CLINT1: variants seen among roughly 807,000 people sequenced by gnomAD.
The protein encoded by CLINT1 is clathrin interactor 1, also known as clathrin interacting protein localized in the trans-Golgi region.
A neutral mutation model predicts 70.4 loss-of-function variants in CLINT1; 15 were observed. That is an observed-to-expected ratio of 0.21 (90% CI 0.14 to 0.33). The LOEUF (loss-of-function observed/expected upper bound fraction) is 0.33, where lower values mean the gene tolerates loss of function less well. Ranked by LOEUF, CLINT1 falls within the 10% of genes least tolerant of loss-of-function variation. CLINT1 has a pLI of 1.00. For synonymous variants in CLINT1, 227 were observed against 254.7 expected (o/e 0.89, Z 1.04); for missense variants, 615 against 778.1 (o/e 0.79, Z 2.49).
intron 1 of CLINT1, among the ~76,000 whole-genome samples, chr5:157,818,250 CACTT>C (rs1475229385): frequency 6.6e-6 from 1 of 152,074 alleles, no homozygotes; most frequent in East Asian, 1.9e-4. Flanking sequence ...TGATTCCAAT[CACTT>C]ACTATGTGAC....
At chr5:157,819,229 A>G (rs1762809314) in intron 1 of CLINT1, among the ~76,000 whole-genome samples, 1 of 152,230 alleles carries the variant, frequency 6.6e-6, no homozygotes, top group South Asian at 2.1e-4. Flanking sequence ...ACTTGCCAAA[A>G]AACTGAATCA....
At position 157,787,397 on chromosome 5, in the gene CLINT1, C is replaced by T. The variant is rs1761757737; in HGVS notation, c.*249G>A. 1.9e-6 allele frequency: 1 copy of T among 514,960 alleles called. No homozygotes were observed. Among genetic ancestry groups the T allele is most frequent in the South Asian group, 2.6e-5 (1 of 38,794 alleles). 31.9% of individuals were successfully genotyped at this position (514,960 alleles called of 1,614,324 possible). On this transcript the variant is annotated 3_prime_UTR_variant, in exon 12 of 12. Transcript: ENST00000411809. ...TCAGTTGATAAAGGCTTTCAATGGTCTCACCACCCACTTGTGGTCTATCCT... is the reference window on the plus strand; with the variant it reads ...TCAGTTGATAAAGGCTTTCAATGGTTTCACCACCCACTTGTGGTCTATCCT...
intron 4 of CLINT1, 43 bp downstream of exon 4, chr5:157,814,142 A>G (rs1388141877): frequency 5.4e-6 from 7 of 1,290,428 alleles, no homozygotes; most frequent in African/African-American, 1.5e-5. Flanking sequence ...TGACAACTCC[A>G]ACTACTGTTT....
At chr5:157,827,708 T>A (rs1229069089) in intron 1 of CLINT1, among the ~76,000 whole-genome samples, 1 of 152,186 alleles carries the variant, frequency 6.6e-6, no homozygotes, top group African/African-American at 2.4e-5. Flanking sequence ...TGAAACTATT[T>A]CCCCTTCCTT....
chr5:157,790,759 A>C (rs1761876538), intron 10 of CLINT1: 1 of 376,424 alleles, frequency 2.7e-6, no homozygotes. Flanking sequence ...CCAAGCCTGC[A>C]CTTGTCTGAA....
chr5:157,799,788 T>C (rs981345375), intron 8 of CLINT1, among the ~76,000 whole-genome samples: 1 of 152,116 alleles, frequency 6.6e-6, no homozygotes, highest in Non-Finnish European at 1.5e-5. Context: ...ACAAACCTAG[T>C]TAGCCTACTA....
intron 6 of CLINT1, 47 bp from the exon 7 acceptor site, chr5:157,806,159 T>A: frequency 1.3e-6 from 2 of 1,585,012 alleles, no homozygotes; most frequent in Non-Finnish European, 1.7e-6. Context: ...GGGATTATTT[T>A]AAAATGGGTC....
At chr5:157,809,527 T>G in intron 6 of CLINT1, 101 bp downstream of exon 6, 1 of 791,610 alleles carries the variant, frequency 1.3e-6, no homozygotes, top group Non-Finnish European at 1.8e-6. Context: ...CAATTTCAGA[T>G]AATGTTAATA....
chr5:157,801,765 G>A (rs1356037288), intron 8 of CLINT1, among the ~76,000 whole-genome samples: 2 of 152,174 alleles, frequency 1.3e-5, no homozygotes, highest in Admixed American at 1.3e-4. Context: ...TAAAGTTCAT[G>A]CCTAATCCAA....
At chr5:157,833,180 GTC>G (rs1763303501) in intron 1 of CLINT1, among the ~76,000 whole-genome samples, 2 of 151,918 alleles carry the variant, frequency 1.3e-5, no homozygotes, top group East Asian at 3.9e-4. Context: ...GTGAAACCCT[GTC>G]TCTACTAAAA....
chr5:157,820,266 T>A (rs1351627680), intron 1 of CLINT1, among the ~76,000 whole-genome samples: 1 of 152,136 alleles, frequency 6.6e-6, no homozygotes, highest in Non-Finnish European at 1.5e-5. Flanking sequence ...CTGGCCAACA[T>A]GGCAAAACTC....
chr5:157,852,649 A>G (rs1381241972), intron 1 of CLINT1, among the ~76,000 whole-genome samples: 1 of 152,240 alleles, frequency 6.6e-6, no homozygotes, highest in Non-Finnish European at 1.5e-5. Context: ...TCTCTATTTT[A>G]CAGAGAAATA....
chr5:157,858,880 T>TCCCCCCCCCCCCCCCCCGCCCCCCC, intron 1 of CLINT1, 50 bp downstream of exon 1: 1 of 216,822 alleles, frequency 4.6e-6, no homozygotes, highest in Non-Finnish European at 9.0e-6. Context: ...CTTCTCCCCC[T>TCCCCCCCCCCCCCCCCCGCCCCCCC]CCCCCCTCCC....
intron 5 of CLINT1, among the ~76,000 whole-genome samples, chr5:157,812,206 A>C (rs1214206584): frequency 1.3e-5 from 2 of 152,184 alleles, no homozygotes; most frequent in Non-Finnish European, 2.9e-5. Context: ...ACATGGTTCC[A>C]TTGAAGGAGA....
In CLINT1 at chr5:157,814,267, T is replaced by C. The variant is rs1208409776; in HGVS notation, c.270A>G (p.Ile90Met). ...TAACAACACGCTCTGATCCATTCCTTATGAGGTAAGCTAGGAGCAGCAACG... is the reference window on the plus strand; with the variant it reads ...TAACAACACGCTCTGATCCATTCCTCATGAGGTAAGCTAGGAGCAGCAACG... ...YKSLLLLAYL[I>M]RNGSERVVTS... Residue 90 changes from isoleucine to methionine, a missense_variant, in exon 4 of 12, where the codon ATA becomes ATG. Around this residue, in one of 2 missense-constraint regions of CLINT1, gnomAD observed 241 missense variants for 368.6 expected, o/e 0.65. Coordinates refer to ENST00000411809, the MANE Select transcript of CLINT1 (RefSeq NM_014666.4). 6 of 1,610,314 alleles carry C rather than the reference T, an allele frequency of 3.7e-6. No individual in the cohort carries two copies. Among genetic ancestry groups the C allele is most frequent in the Admixed American group, 1.7e-5 (1 of 59,508 alleles).
intron 1 of CLINT1, among the ~76,000 whole-genome samples, chr5:157,846,100 C>T (rs941291263): frequency 6.6e-6 from 1 of 152,120 alleles, no homozygotes; most frequent in East Asian, 1.9e-4. Flanking sequence ...ATTAATAACC[C>T]TACAATGACC....
At chr5:157,839,979 G>A (rs947042812) in intron 1 of CLINT1, among the ~76,000 whole-genome samples, 1 of 151,960 alleles carries the variant, frequency 6.6e-6, no homozygotes, top group Admixed American at 6.6e-5. Context: ...CACTTTGGGA[G>A]GCCAAGGTGG....
At chr5:157,801,438 C>T (rs1236697889) in intron 8 of CLINT1, among the ~76,000 whole-genome samples, 1 of 151,828 alleles carries the variant, frequency 6.6e-6, no homozygotes, top group Non-Finnish European at 1.5e-5. Context: ...ACCCGGGAGG[C>T]AGAGGTTGCA....
chr5:157,816,647 C>A (rs1317305901), intron 3 of CLINT1, 87 bp downstream of exon 3: 9 of 825,870 alleles, frequency 1.1e-5, no homozygotes, highest in Non-Finnish European at 1.8e-5. Flanking sequence ...ATTTAATATA[C>A]TTCAAAATCA....
Sources: gnomAD v4.1 joint callset for allele counts (sites outside exome capture counted in the v4.1 genomes callset) on GRCh38, gnomAD v4.1.1 for gene constraint, gnomAD v4.1.1 regional missense constraint, MANE v1.5 for transcripts, NCBI Gene and HGNC (gene_info 2026-07-23, HGNC 2026-07-21) for gene names.